The following TRPC5 variants were observed in gnomAD, a reference collection of about 807,000 sequenced individuals.
TRPC5 encodes the protein short transient receptor potential channel 5.
Under a neutral mutation model 56.5 loss-of-function variants are expected in TRPC5, and 9 were observed. That is an observed-to-expected ratio of 0.16 (90% CI 0.10 to 0.28). The LOEUF (loss-of-function observed/expected upper bound fraction) is 0.28, where lower values mean the gene tolerates loss of function less well. TRPC5 is among the 10% of genes least tolerant of loss of function. The pLI is 1.00. For missense variants in TRPC5, 469 were observed against 748.9 expected (o/e 0.63, Z 4.36); for synonymous variants, 282 against 278.5 (o/e 1.01, Z -0.13).
intron 10 of TRPC5, 126 bp from the exon 11 acceptor site, chrX:111,777,128 CT>C (rs1232439016): frequency 3.9e-6 from 2 of 517,213 alleles, no homozygotes; most frequent in Non-Finnish European, 5.9e-6. Flanking sequence ...CCAGAAAAAT[CT>C]GCCATTATTC....
intron 2 of TRPC5, among the ~76,000 whole-genome samples, chrX:111,921,446 C>T (rs757243943): frequency 9.5e-6 from 1 of 105,514 alleles, no homozygotes; most frequent in Admixed American, 1.0e-4. Flanking sequence ...TACGATTTAA[C>T]ATTTTTTTTT....
chrX:112,003,647 C>T (rs1603140714), intron 1 of TRPC5, among the ~76,000 whole-genome samples: 2 of 110,988 alleles, frequency 1.8e-5, no homozygotes, highest in South Asian at 3.9e-4. Flanking sequence ...GGTAATACTG[C>T]CCCCCTTGGT....
At chrX:111,908,513 G>A (rs943217550) in intron 3 of TRPC5, among the ~76,000 whole-genome samples, 4 of 110,812 alleles carry the variant, frequency 3.6e-5, no homozygotes, top group African/African-American at 1.3e-4. Context: ...GTGGCTCTTT[G>A]GAATTATATT....
At chrX:112,012,372 T>C (rs1201184786) in intron 1 of TRPC5, among the ~76,000 whole-genome samples, 1 of 111,788 alleles carries the variant, frequency 8.9e-6, no homozygotes, top group African/African-American at 3.3e-5. Flanking sequence ...AAGTCTCTTT[T>C]TTTTTCTTTT....
rs1052652026 is a variant in TRPC5 at position 112,026,781 on chromosome X, A to G, written c.-22+55098T>C. Among the ~76,000 whole-genome samples, 4 of 110,827 alleles carry G rather than the reference A, an allele frequency of 3.6e-5. No individual in the cohort carries two copies. The Admixed American group carries it at 3.9e-4, about 11-fold the overall frequency. ...TATGTGTAGAGTCCTGGCTGGATTGAAAGCTTCTTAATGGCGGTGATTGTG... is the reference window on the plus strand; with the variant it reads ...TATGTGTAGAGTCCTGGCTGGATTGGAAGCTTCTTAATGGCGGTGATTGTG... On this transcript the variant is annotated intron_variant, in intron 1 of 10. Coordinates refer to ENST00000262839, the MANE Select transcript of TRPC5 (RefSeq NM_012471.3).
chrX:111,788,499 T>G (rs1266969083), intron 7 of TRPC5, among the ~76,000 whole-genome samples: 9 of 111,890 alleles, frequency 8.0e-5, no homozygotes, highest in African/African-American at 2.9e-4. Flanking sequence ...TTTGAAAACC[T>G]GCACAAGTCA....
intron 1 of TRPC5, among the ~76,000 whole-genome samples, chrX:112,080,898 T>C (rs1930948698): frequency 8.9e-6 from 1 of 112,255 alleles, no homozygotes. Context: ...GCCATGTCAA[T>C]GTTGTAATCA....
At chrX:111,906,373 A>C (rs1027691365) in intron 3 of TRPC5, among the ~76,000 whole-genome samples, 10 of 111,026 alleles carry the variant, frequency 9.0e-5, no homozygotes, top group Non-Finnish European at 1.7e-4. Context: ...AAAAACAAAA[A>C]AAAGGTGTCA....
intron 1 of TRPC5, among the ~76,000 whole-genome samples, chrX:112,061,111 T>C (rs1291604235): frequency 1.8e-5 from 2 of 112,576 alleles, no homozygotes; most frequent in Non-Finnish European, 1.9e-5. Flanking sequence ...TTATAGGCTA[T>C]TGAAGCTGTT....
intron 3 of TRPC5, among the ~76,000 whole-genome samples, chrX:111,884,585 T>C (rs987937701): frequency 5.3e-5 from 6 of 112,704 alleles, no homozygotes; most frequent in Admixed American, 9.3e-5. Flanking sequence ...GGACTAAGCC[T>C]GGGTAAGGTC....
intron 3 of TRPC5, among the ~76,000 whole-genome samples, chrX:111,909,424 T>C (rs1431084533): frequency 2.7e-5 from 3 of 110,877 alleles, no homozygotes; most frequent in Non-Finnish European, 5.7e-5. Flanking sequence ...AAGTTCACTA[T>C]TGAAAGTAAA....
chrX:111,943,253 T>C (rs1032922623), intron 2 of TRPC5, among the ~76,000 whole-genome samples: 3 of 112,180 alleles, frequency 2.7e-5, no homozygotes, highest in Non-Finnish European at 5.6e-5. Flanking sequence ...TATCTATAAA[T>C]AGCAGGATGA....
At chrX:111,966,861 G>A (rs1446095405) in intron 1 of TRPC5, among the ~76,000 whole-genome samples, 253 of 111,246 alleles carry the variant, frequency 2.3e-3, no homozygotes, top group Non-Finnish European at 3.0e-3. Context: ...TGACAAACCC[G>A]CAGCCAATAT....
At chrX:111,779,726 C>T (rs1569525042) in intron 9 of TRPC5, among the ~76,000 whole-genome samples, 1 of 111,924 alleles carries the variant, frequency 8.9e-6, no homozygotes, top group Non-Finnish European at 1.9e-5. Flanking sequence ...TATTACTCTT[C>T]CCATGTTACA....
intron 5 of TRPC5, among the ~76,000 whole-genome samples, chrX:111,849,344 G>A (rs1170073355): frequency 8.9e-6 from 1 of 112,493 alleles, no homozygotes; most frequent in Non-Finnish European, 1.9e-5. Flanking sequence ...GAATAAACAT[G>A]GAGCTCATCT....
chrX:111,958,737 T>G (rs2148641404), intron 1 of TRPC5, among the ~76,000 whole-genome samples: 1 of 111,469 alleles, frequency 9.0e-6, no homozygotes, highest in East Asian at 2.8e-4. Context: ...AAGGAAAAAC[T>G]GAAAGAAATT....
chrX:111,943,581 C>T (rs570189651), intron 2 of TRPC5, among the ~76,000 whole-genome samples: 133 of 112,372 alleles, frequency 1.2e-3, no homozygotes, highest in African/African-American at 3.9e-3. Flanking sequence ...TGGAAGAGCC[C>T]AGAGGGGCGG....
At chrX:112,003,061 G>T (rs1248994617) in intron 1 of TRPC5, among the ~76,000 whole-genome samples, 1 of 111,358 alleles carries the variant, frequency 9.0e-6, no homozygotes, top group Non-Finnish European at 1.9e-5. Context: ...CTGCTTATGT[G>T]GGTATTCATT....
intron 3 of TRPC5, among the ~76,000 whole-genome samples, chrX:111,880,293 A>T (rs749766200): frequency 1.8e-5 from 2 of 112,306 alleles, no homozygotes; most frequent in East Asian, 5.6e-4. Flanking sequence ...TTGCCATCAT[A>T]TTCCCAGTCT....
Sources: allele counts gnomAD v4.1 joint callset (sites outside exome capture counted in the v4.1 genomes callset), GRCh38; gene constraint gnomAD v4.1.1; transcripts MANE v1.5; gene names NCBI Gene and HGNC (gene_info 2026-07-23, HGNC 2026-07-21).